Variants in WDR7 observed in about 807,000 individuals in gnomAD.
WDR7 encodes WD repeat-containing protein 7.
A neutral mutation model predicts 169.4 loss-of-function variants in WDR7; 46 were observed. That is an observed-to-expected ratio of 0.27 (90% CI 0.21 to 0.35). WDR7 has a LOEUF of 0.35. Among genes scored for constraint, WDR7 ranks in the 10% least tolerant of loss-of-function variants. The pLI, the probability that WDR7 is intolerant of heterozygous loss-of-function variation, is 1.00. For synonymous variants in WDR7, 612 were observed against 666.8 expected (o/e 0.92, Z 1.27); for missense variants, 1,534 against 1,859.3 (o/e 0.83, Z 3.22).
rs139341971 is a variant in WDR7 at position 56,917,898 on chromosome 18, T to C, written c.3527-6024T>C. Among the ~76,000 whole-genome samples, 41 of 152,316 alleles carry C rather than the reference T, an allele frequency of 2.7e-4. No homozygotes were observed. The East Asian group carries it at 6.0e-3, about 22-fold the overall frequency. ...TTAAAGTTGGGACTCTTAAGAAATGTAAAAATTTGATATGAATTAATAGCA... is the reference window on the plus strand; with the variant it reads ...TTAAAGTTGGGACTCTTAAGAAATGCAAAAATTTGATATGAATTAATAGCA... On this transcript the variant is annotated intron_variant, in intron 21 of 27. Transcript: ENST00000254442.
intron 14 of WDR7, among the ~76,000 whole-genome samples, chr18:56,738,887 G>A (rs986244005): frequency 7.9e-6 from 1 of 126,700 alleles, no homozygotes; most frequent in African/African-American, 3.0e-5. Flanking sequence ...TAATTAAGAT[G>A]TATTGAATGT....
At chr18:56,777,713 C>A (rs2044261640) in intron 17 of WDR7, among the ~76,000 whole-genome samples, 1 of 152,074 alleles carries the variant, frequency 6.6e-6, no homozygotes, top group Non-Finnish European at 1.5e-5. Flanking sequence ...AAGCATTTTT[C>A]AAATGGAAGG....
At chr18:56,992,865 C>T (rs189085191) in intron 26 of WDR7, among the ~76,000 whole-genome samples, 2 of 152,298 alleles carry the variant, frequency 1.3e-5, no homozygotes, top group East Asian at 3.9e-4. Context: ...CATGAAGAGA[C>T]ATGTCCCAGG....
chr18:56,816,562 TTATACC>T (rs2044974392), intron 20 of WDR7, among the ~76,000 whole-genome samples: 1 of 152,256 alleles, frequency 6.6e-6, no homozygotes, highest in Admixed American at 6.5e-5. Flanking sequence ...GACTTACTCT[TTATACC>T]TATACTGTAG....
intron 1 of WDR7, among the ~76,000 whole-genome samples, chr18:56,654,141 CT>C (rs956334911): frequency 4.0e-5 from 6 of 151,536 alleles, no homozygotes; most frequent in African/African-American, 1.2e-4. Context: ...CTGAGCATTT[CT>C]TTTTTTTTCT....
chr18:56,666,136 G>A (rs2025015683), intron 1 of WDR7, among the ~76,000 whole-genome samples: 1 of 151,082 alleles, frequency 6.6e-6, no homozygotes, highest in African/African-American at 2.4e-5. Context: ...CTTCCTTCCT[G>A]AAGGAAGATT....
Position 56,962,533 on chromosome 18 carries a change from A to T in WDR7, c.4164+4A>T, listed in dbSNP as rs375854699. ...CATCCGGACTGGAAAATGTCAGGTAAATAAATCATTGTGACTTCCTCTCCA... is the reference window on the plus strand; with the variant it reads ...CATCCGGACTGGAAAATGTCAGGTATATAAATCATTGTGACTTCCTCTCCA... On this transcript the variant is annotated splice_donor_region_variant and intron_variant, in intron 26 of 27. Transcript: ENST00000254442. 2.5e-6 allele frequency: 4 copies of T among 1,612,186 alleles called. No homozygotes were observed. The highest frequency in any genetic ancestry group is 3.4e-6 in the Non-Finnish European group (4 of 1,178,794).
intron 16 of WDR7, 106 bp downstream of exon 16, chr18:56,759,059 AAGAG>A (rs1352333856): frequency 1.2e-5 from 10 of 831,142 alleles, no homozygotes; most frequent in Admixed American, 9.6e-5. Flanking sequence ...GGATTGTTAA[AAGAG>A]AGAAAAGTTG....
intron 19 of WDR7, among the ~76,000 whole-genome samples, chr18:56,803,758 T>C (rs928244709): frequency 4.6e-5 from 7 of 152,224 alleles, no homozygotes; most frequent in African/African-American, 1.7e-4. Flanking sequence ...TCTCAGGCAC[T>C]GTGCTAAACT....
rs2048382176 is a variant in WDR7 at position 57,027,391 on chromosome 18, C to T, written c.*184C>T. Reference sequence around the variant, plus strand: ...GGCAGAACCCGCTCGTGCCATCTGTCGATTCAGAGGCACGCACACATGCTC... The same window carrying T: ...GGCAGAACCCGCTCGTGCCATCTGTTGATTCAGAGGCACGCACACATGCTC... On this transcript the variant is annotated 3_prime_UTR_variant, in exon 28 of 28. Coordinates refer to ENST00000254442, the MANE Select transcript of WDR7 (RefSeq NM_015285.3). 3 of 702,160 alleles carry T rather than the reference C, an allele frequency of 4.3e-6. No homozygotes were observed. Among genetic ancestry groups the T allele is most frequent in the Non-Finnish European group, 4.7e-6 (2 of 429,610 alleles). 43.5% of individuals were successfully genotyped at this position (702,160 alleles called of 1,614,324 possible).
chr18:56,873,835 C>T (rs1175982430), intron 20 of WDR7: 3 of 152,208 alleles, frequency 2.0e-5, no homozygotes, highest in Non-Finnish European at 4.4e-5. Context: ...TAAGATGTCA[C>T]ACCAGGCTCT....
At chr18:56,866,977 G>A (rs895278246) in intron 20 of WDR7, among the ~76,000 whole-genome samples, 11 of 151,834 alleles carry the variant, frequency 7.2e-5, no homozygotes, top group African/African-American at 2.7e-4. Context: ...CTGAAAATAT[G>A]TACATCTATT....
intron 27 of WDR7, among the ~76,000 whole-genome samples, chr18:57,025,950 A>C (rs2048361552): frequency 6.6e-6 from 1 of 152,236 alleles, no homozygotes; most frequent in South Asian, 2.1e-4. Context: ...AGAATCTTAC[A>C]TCGAGATGGA....
chr18:56,879,851 T>C, intron 20 of WDR7, 93 bp from the exon 21 acceptor site: 1 of 1,009,196 alleles, frequency 9.9e-7, no homozygotes, highest in Non-Finnish European at 1.5e-6. Context: ...AATGCTATTC[T>C]TTCCGAACGT....
intron 12 of WDR7, among the ~76,000 whole-genome samples, chr18:56,707,238 C>T (rs542541324): frequency 4.6e-5 from 7 of 152,302 alleles, no homozygotes; most frequent in African/African-American, 1.7e-4. Flanking sequence ...CTGCCTTGGC[C>T]TCCCAAAATG....
intron 26 of WDR7, among the ~76,000 whole-genome samples, chr18:56,977,625 C>G (rs887585042): frequency 6.6e-6 from 1 of 152,278 alleles, no homozygotes. Flanking sequence ...TAATTCTGCT[C>G]CTGCTTTAAA....
chr18:56,683,118 G>A (rs1264250809), intron 5 of WDR7, among the ~76,000 whole-genome samples: 1 of 152,144 alleles, frequency 6.6e-6, no homozygotes, highest in African/African-American at 2.4e-5. Context: ...TGAAGTGGAG[G>A]AAGAATAGCT....
intron 22 of WDR7, among the ~76,000 whole-genome samples, chr18:56,925,525 C>T (rs535110887): frequency 6.6e-6 from 1 of 152,250 alleles, no homozygotes; most frequent in East Asian, 1.9e-4. Flanking sequence ...GTTACCACCA[C>T]TTGGATTTTC....
intron 22 of WDR7, among the ~76,000 whole-genome samples, chr18:56,925,586 A>C (rs549363919): frequency 2.3e-4 from 35 of 152,104 alleles, no homozygotes; most frequent in Non-Finnish European, 4.7e-4. Context: ...TTAAGAGTAG[A>C]GTTCTTAGCC....
Sources: gnomAD v4.1 joint callset for allele counts (sites outside exome capture counted in the v4.1 genomes callset) on GRCh38, gnomAD v4.1.1 for gene constraint, MANE v1.5 for transcripts, NCBI Gene and HGNC (gene_info 2026-07-23, HGNC 2026-07-21) for gene names.